Variants in NLGN1 observed in about 807,000 individuals in gnomAD.
NLGN1 encodes neuroligin-1.
NLGN1 carries 12 observed loss-of-function variants against 65.5 expected under a neutral mutation model. The ratio of observed to expected loss-of-function variants is 0.18; its 90% confidence interval spans 0.12 to 0.30. NLGN1 has a LOEUF of 0.30. Among genes scored for constraint, NLGN1 ranks in the 10% least tolerant of loss-of-function variants. The pLI, the probability that NLGN1 is intolerant of heterozygous loss-of-function variation, is 1.00. For missense variants in NLGN1, 750 were observed against 1,007.1 expected, an observed-to-expected ratio of 0.74 and a Z score of 3.46; for synonymous variants, 350 against 359.5, an observed-to-expected ratio of 0.97 and a Z score of 0.30.
chr3:173,821,263 G>GA (rs1016209245), intron 4 of NLGN1, among the ~76,000 whole-genome samples: 2 of 152,026 alleles, frequency 1.3e-5, no homozygotes, highest in Non-Finnish European at 2.9e-5. Context: ...TCTGAGCTTT[G>GA]AAAAAAGCCA....
At chr3:173,433,802 T>G (rs545031007) in intron 1 of NLGN1, among the ~76,000 whole-genome samples, 1 of 152,318 alleles carries the variant, frequency 6.6e-6, no homozygotes, top group South Asian at 2.1e-4. Context: ...GAAGTTTCCT[T>G]GAACTGATAC....
upstream of NLGN1, among the ~76,000 whole-genome samples, chr3:173,397,547 C>T (rs185469859): frequency 3.2e-3 from 483 of 151,154 alleles, 1 homozygote; most frequent in Non-Finnish European, 5.6e-3. Flanking sequence ...CACTCCTGCC[C>T]CCTCTGTCCT....
chr3:174,098,860 AAGTG>A (rs1711716246), intron 4 of NLGN1, among the ~76,000 whole-genome samples: 1 of 152,216 alleles, frequency 6.6e-6, no homozygotes, highest in South Asian at 2.1e-4. Context: ...AACACCAAAA[AAGTG>A]AGTAATGCCT....
intron 3 of NLGN1, among the ~76,000 whole-genome samples, chr3:173,675,806 T>A (rs1429546621): frequency 6.6e-6 from 1 of 151,664 alleles, no homozygotes; most frequent in Non-Finnish European, 1.5e-5. Context: ...GACTATGTGA[T>A]AAAAGTGCAT....
At chr3:173,803,181 G>T (rs115239304) in intron 3 of NLGN1, among the ~76,000 whole-genome samples, 1,739 of 152,160 alleles carry the variant, frequency 0.011, 26 homozygotes, top group African/African-American at 0.039. Context: ...TTAAAAACAA[G>T]ACTAATCTGA....
At chr3:173,550,938 A>G (rs1740751788) in intron 2 of NLGN1, among the ~76,000 whole-genome samples, 1 of 152,122 alleles carries the variant, frequency 6.6e-6, no homozygotes, top group Non-Finnish European at 1.5e-5. Context: ...TATACACTTG[A>G]GAGCTTCCGA....
chr3:174,010,672 G>A (rs894057420), intron 4 of NLGN1, among the ~76,000 whole-genome samples: 4 of 152,078 alleles, frequency 2.6e-5, no homozygotes, highest in African/African-American at 9.7e-5. Flanking sequence ...CAGGTAAAAT[G>A]ATGAATGAAA....
At chr3:173,763,206 T>A (rs1778252993) in intron 3 of NLGN1, among the ~76,000 whole-genome samples, 1 of 152,048 alleles carries the variant, frequency 6.6e-6, no homozygotes, top group South Asian at 2.1e-4. Flanking sequence ...CAGAGATGAT[T>A]AACTGTGATT....
At chr3:173,602,650 T>A (rs188171499) in intron 2 of NLGN1, among the ~76,000 whole-genome samples, 1 of 152,188 alleles carries the variant, frequency 6.6e-6, no homozygotes, top group East Asian at 1.9e-4. Flanking sequence ...TGGAAATTGC[T>A]GTAGAGTACT....
chr3:173,782,807 C>G (rs1049137001), intron 3 of NLGN1, among the ~76,000 whole-genome samples: 1 of 151,606 alleles, frequency 6.6e-6, no homozygotes, highest in Admixed American at 6.6e-5. Context: ...CCTTCATTCC[C>G]CTACCCCCCG....
chr3:174,149,732 A>C (rs184562926), intron 4 of NLGN1, among the ~76,000 whole-genome samples: 117 of 152,268 alleles, frequency 7.7e-4, no homozygotes, highest in Admixed American at 1.6e-3. Context: ...TTTACAAGAT[A>C]TGATAGATAA....
intron 4 of NLGN1, among the ~76,000 whole-genome samples, chr3:173,822,867 C>T (rs1315565359): frequency 6.6e-6 from 1 of 152,062 alleles, no homozygotes; most frequent in East Asian, 1.9e-4. Flanking sequence ...AAAAGATCTA[C>T]TTGCTATATT....
intron 4 of NLGN1, among the ~76,000 whole-genome samples, chr3:173,833,053 A>ATAAAT (rs10663221): frequency 0.85 from 128,474 of 151,802 alleles, 55,216 homozygotes; most frequent in African/African-American, 0.92. Context: ...TTACAATACA[A>ATAAAT]TAAAAATCTT....
At chr3:173,567,610 TATATA>T (rs1248461313) in intron 2 of NLGN1, among the ~76,000 whole-genome samples, 9 of 151,362 alleles carry the variant, frequency 5.9e-5, no homozygotes, top group African/African-American at 1.2e-4. Flanking sequence ...ACTGTATTTT[TATATA>T]ATATAATAAA....
At chr3:173,845,284 C>T (rs1262946294) in intron 4 of NLGN1, among the ~76,000 whole-genome samples, 1 of 152,084 alleles carries the variant, frequency 6.6e-6, no homozygotes, top group Non-Finnish European at 1.5e-5. Context: ...TTTTATTACA[C>T]AATTAATACA....
chr3:174,013,716 ATTTG>A (rs573783825), intron 4 of NLGN1, among the ~76,000 whole-genome samples: 1 of 151,736 alleles, frequency 6.6e-6, no homozygotes, highest in African/African-American at 2.4e-5. Flanking sequence ...TCAGTTTTTT[ATTTG>A]TTTGTTTGTT....
At chr3:174,241,706 T>G (rs936902090) in intron 4 of NLGN1, among the ~76,000 whole-genome samples, 1 of 151,190 alleles carries the variant, frequency 6.6e-6, no homozygotes, top group Non-Finnish European at 1.5e-5. Context: ...CAGGCTGGAG[T>G]GCAGTGGCAC....
intron 2 of NLGN1, among the ~76,000 whole-genome samples, chr3:173,568,818 C>T (rs535430759): frequency 6.6e-5 from 10 of 152,250 alleles, no homozygotes; most frequent in South Asian, 4.1e-4. Context: ...GGACTACAGA[C>T]GCCTGCCACC....
intron 3 of NLGN1, among the ~76,000 whole-genome samples, chr3:173,655,394 A>G (rs1759842585): frequency 6.6e-6 from 1 of 152,114 alleles, no homozygotes; most frequent in Admixed American, 6.6e-5. Context: ...TCTGTTATGT[A>G]CACATTTTAG....
Sources: allele counts gnomAD v4.1 joint callset (sites outside exome capture counted in the v4.1 genomes callset), GRCh38; gene constraint gnomAD v4.1.1; transcripts MANE v1.5; gene names NCBI Gene and HGNC (gene_info 2026-07-23, HGNC 2026-07-21).